The following QTMAN variants were observed in gnomAD, a reference collection of about 807,000 sequenced individuals.
QTMAN encodes the protein tRNA-queuosine alpha-mannosyltransferase.
chr2:143,967,400 G>C, the QTMAN span, among the ~76,000 whole-genome samples: 1 of 150,724 alleles, frequency 6.6e-6, no homozygotes, highest in East Asian at 2.0e-4. Flanking sequence ...GCATGATCTT[G>C]GCTCACTGCA....
the QTMAN span, among the ~76,000 whole-genome samples, chr2:144,235,282 C>T: frequency 2.6e-5 from 4 of 151,816 alleles, no homozygotes; most frequent in African/African-American, 7.3e-5. Flanking sequence ...TACCATAAAA[C>T]GAGGGGAAAA....
the QTMAN span, among the ~76,000 whole-genome samples, chr2:144,031,223 T>C: frequency 6.6e-6 from 1 of 152,080 alleles, no homozygotes; most frequent in Admixed American, 6.5e-5. Flanking sequence ...TGGTTCTAAG[T>C]TGCCACCAGA....
At chr2:144,056,603 G>A in the QTMAN span, among the ~76,000 whole-genome samples, 2 of 152,192 alleles carry the variant, frequency 1.3e-5, no homozygotes, top group Admixed American at 6.5e-5. Flanking sequence ...AACAGGGCAT[G>A]GGATACAGTA....
At chr2:144,320,250 T>C in the QTMAN span, among the ~76,000 whole-genome samples, 6 of 152,148 alleles carry the variant, frequency 3.9e-5, no homozygotes, top group Non-Finnish European at 7.4e-5. Flanking sequence ...ACAGAGTCCA[T>C]AGGGTCCATA....
chr2:144,098,169 C>T, the QTMAN span, among the ~76,000 whole-genome samples: 5 of 152,208 alleles, frequency 3.3e-5, no homozygotes, highest in African/African-American at 1.2e-4. Context: ...CTGAGGCATT[C>T]TGTAAGCAAG....
the QTMAN span, among the ~76,000 whole-genome samples, chr2:144,097,772 C>T: frequency 6.6e-6 from 1 of 152,168 alleles, no homozygotes; most frequent in Non-Finnish European, 1.5e-5. Context: ...TGCTTTTAAA[C>T]CACTTTATGC....
the QTMAN span, among the ~76,000 whole-genome samples, chr2:144,173,999 G>A: frequency 6.6e-6 from 1 of 152,150 alleles, no homozygotes; most frequent in Non-Finnish European, 1.5e-5. Flanking sequence ...AGATGTTGGG[G>A]GAATACTTCT....
At chr2:144,111,145 G>A in the QTMAN span, among the ~76,000 whole-genome samples, 1 of 151,872 alleles carries the variant, frequency 6.6e-6, no homozygotes, top group Non-Finnish European at 1.5e-5. Context: ...CTACAGCTTC[G>A]TACTGAGAGC....
chr2:144,235,731 G>A, the QTMAN span: 1 of 152,522 alleles, frequency 6.6e-6, no homozygotes, highest in Non-Finnish European at 1.5e-5. Context: ...GGCTAATGCA[G>A]AGATACCTGT....
the QTMAN span, among the ~76,000 whole-genome samples, chr2:143,978,410 C>T: frequency 6.6e-6 from 1 of 152,244 alleles, no homozygotes; most frequent in Non-Finnish European, 1.5e-5. Context: ...CAACAGATTT[C>T]TTCTAAATCC....
chr2:144,136,817 G>A, the QTMAN span, among the ~76,000 whole-genome samples: 10 of 151,986 alleles, frequency 6.6e-5, no homozygotes, highest in Non-Finnish European at 1.3e-4. Flanking sequence ...ATAGTCTTTT[G>A]CAATACATTC....
chr2:144,186,061 T>C, the QTMAN span, among the ~76,000 whole-genome samples: 7 of 152,174 alleles, frequency 4.6e-5, no homozygotes, highest in African/African-American at 1.7e-4. Flanking sequence ...ATGGTATTCA[T>C]TTACAGCTAG....
chr2:144,100,383 G>T, the QTMAN span, among the ~76,000 whole-genome samples: 2 of 152,168 alleles, frequency 1.3e-5, no homozygotes, highest in African/African-American at 4.8e-5. Context: ...AAATAAGAAA[G>T]ATTAAATACA....
the QTMAN span, among the ~76,000 whole-genome samples, chr2:144,307,066 C>A: frequency 6.9e-6 from 1 of 144,594 alleles, no homozygotes; most frequent in Non-Finnish European, 1.5e-5. Flanking sequence ...GAGGCTGAGG[C>A]AGGGGAATCA....
At chr2:144,028,268 A>T in the QTMAN span, among the ~76,000 whole-genome samples, 2 of 152,222 alleles carry the variant, frequency 1.3e-5, no homozygotes, top group African/African-American at 4.8e-5. Context: ...TGTTCAGCAT[A>T]GTGGTTGGCA....
chr2:144,298,921 T>C, the QTMAN span, among the ~76,000 whole-genome samples: 2 of 152,206 alleles, frequency 1.3e-5, no homozygotes, highest in Admixed American at 1.3e-4. Context: ...AAGCTCTTAA[T>C]GCCTCCTTAG....
the QTMAN span, among the ~76,000 whole-genome samples, chr2:144,111,455 G>A: frequency 1.3e-5 from 2 of 152,186 alleles, no homozygotes; most frequent in Non-Finnish European, 2.9e-5. Context: ...TGATAGCACT[G>A]ATGTTCACAT....
chr2:143,958,770 A>ATTTC, the QTMAN span, among the ~76,000 whole-genome samples: 1 of 122,202 alleles, frequency 8.2e-6, no homozygotes, highest in East Asian at 2.5e-4. Context: ...GGTGATTTTT[A>ATTTC]TTTCTTTCTT....
the QTMAN span, among the ~76,000 whole-genome samples, chr2:144,319,222 T>C: frequency 9.2e-5 from 14 of 152,264 alleles, no homozygotes; most frequent in East Asian, 2.5e-3. Context: ...CCTAGAAAAT[T>C]CTGAGTATAA....
Sources: allele counts gnomAD v4.1 joint callset (sites outside exome capture counted in the v4.1 genomes callset), GRCh38; gene constraint gnomAD v4.1.1; transcripts MANE v1.5; gene names NCBI Gene and HGNC (gene_info 2026-07-23, HGNC 2026-07-21).